Variants in NEB observed in about 807,000 individuals in gnomAD.
NEB encodes the protein nebulin.
NEB carries 512 observed loss-of-function variants against 952.2 expected under a neutral mutation model. The ratio of observed to expected loss-of-function variants is 0.54; its 90% CI spans 0.50 to 0.58. The LOEUF is 0.58. NEB is among the 20% of genes least tolerant of loss of function. The pLI is 0.00. For synonymous variants in NEB, 2,900 were observed against 3,149.8 expected (o/e 0.92, Z 2.66); for missense variants, 8,428 against 9,231.1 (o/e 0.91, Z 3.56).
In NEB at chr2:151,680,884, C is replaced by A. The variant is rs1253156732; in HGVS notation, c.2944-56G>T. 6 of 1,303,868 alleles carry A rather than the reference C, an allele frequency of 4.6e-6. No individual in the cohort carries two copies. In the Admixed American group the frequency reaches 5.2e-5, roughly 11 times the overall value. 80.8% of individuals were successfully genotyped at this position (1,303,868 alleles called of 1,614,324 possible). A position where few individuals can be genotyped will look rare whatever the true frequency, so the allele number is the denominator to read the frequency against. On this transcript the variant is annotated intron_variant, in intron 29 of 181. Transcript: ENST00000397345. ...TCTTGTTTTCCACTGAAGATTAATA[C>A]GTCAAAATCCTTGAAATTTATTTTG... is the stretch of plus-strand genomic sequence containing the variant.
In NEB at chr2:151,682,743, G is replaced by A; in HGVS notation, c.2862C>T (p.Ser954=). Reference sequence around the variant, plus strand: ...GCACCCAGCCACAACCTTTCATCCAGCTATTGTAGTCAGCTTTGTATTCAA... The same window carrying A: ...GCACCCAGCCACAACCTTTCATCCAACTATTGTAGTCAGCTTTGTATTCAA... ...SDVEYKADYN[S]WMKGCGWVPF... Residue 954 remains serine (S), a synonymous_variant, in exon 29 of 182, where the codon AGC becomes AGT. Transcript: ENST00000397345. The A allele has an allele frequency of 6.2e-7, 1 of 1,613,292 alleles. No homozygotes were observed. Among genetic ancestry groups the A allele is most frequent in the Non-Finnish European group, 8.5e-7 (1 of 1,179,510 alleles).
rs2099598879 is a variant in NEB at position 151,696,647 on chromosome 2, T to C, written c.1559A>G (p.Gln520Arg). The change falls in exon 17 of 182, where the codon CAA becomes CGA. Residue 520 changes from glutamine (Q) to arginine (R), a missense_variant. Coordinates refer to ENST00000397345, the MANE Select transcript of NEB (RefSeq NM_001164508.2). Reference sequence around the variant, plus strand: ...GTTAGAGGAACTTACGTCACTCAGTTGTTTGGAATTGACTTGGGCTTGTAG... The same window carrying C: ...GTTAGAGGAACTTACGTCACTCAGTCGTTTGGAATTGACTTGGGCTTGTAG... ...VLLQAQVNSKQLSDLNYKAKH... is the reference protein window; with the variant it reads ...VLLQAQVNSKRLSDLNYKAKH... The C allele has an allele frequency of 6.2e-7, 1 of 1,612,816 alleles. No individual in the cohort carries two copies. Among genetic ancestry groups the C allele is most frequent in the African/African-American group, 1.3e-5 (1 of 74,914 alleles).
At position 151,636,269 on chromosome 2, in the gene NEB, G is replaced by C; in HGVS notation, c.9060C>G (p.Ile3020Met). ...TGGAGGCCTTGGCCGCCACGATGGG[G>C]ATGGCGTCGCTTCGCAAGTCATAGC... The part of the protein sequence containing the change: ...KKGYDLRSDA[I>M]PIVAAKASRD... The change falls in exon 64 of 182, where the codon ATC (isoleucine) becomes ATG (methionine). Residue 3020 changes from isoleucine (I) to methionine (M), a missense_variant. Around this residue, in one of 11 missense-constraint regions of NEB, gnomAD observed 1,772 missense variants for 1,960.3 expected, o/e 0.90. Coordinates refer to ENST00000397345, the MANE Select transcript of NEB (RefSeq NM_001164508.2). The C allele has an allele frequency of 6.2e-7, 1 of 1,610,394 alleles. No individual in the cohort carries two copies. Among genetic ancestry groups the C allele is most frequent in the Non-Finnish European group, 8.5e-7 (1 of 1,179,770 alleles).
At chr2:151,540,510 C>T in intron 137 of NEB, 62 bp from the exon 138 acceptor site, 1 of 1,317,292 alleles carries the variant, frequency 7.6e-7, no homozygotes, top group Non-Finnish European at 1.1e-6. Context: ...CCAACCAAGC[C>T]ACCTACAGGT....
chr2:151,726,953 G>A (rs2099793091), intron 5 of NEB, among the ~76,000 whole-genome samples: 1 of 151,896 alleles, frequency 6.6e-6, no homozygotes, highest in African/African-American at 2.4e-5. Context: ...GGGAGACTGA[G>A]GTAGGAGGAT....
chr2:151,705,155 C>A (rs1473145035), intron 13 of NEB, among the ~76,000 whole-genome samples: 1 of 152,018 alleles, frequency 6.6e-6, no homozygotes, highest in Non-Finnish European at 1.5e-5. Context: ...ATTATACAAA[C>A]AATTAGCCTT....
intron 84 of NEB, among the ~76,000 whole-genome samples, chr2:151,605,708 T>C (rs1407367175): frequency 1.0e-5 from 1 of 99,834 alleles, no homozygotes; most frequent in Admixed American, 1.4e-4. Flanking sequence ...GGCTACATGA[T>C]GAAAATCAGA....
At chr2:151,512,923 T>C (rs1469504717) in intron 160 of NEB, 86 bp from the exon 161 acceptor site, 1 of 882,242 alleles carries the variant, frequency 1.1e-6, no homozygotes, top group Non-Finnish European at 1.8e-6. Flanking sequence ...GTGAGCCATA[T>C]TTCTTTTCCA....
rs1475648900 is a variant in NEB, at chr2:151,563,623, G to A, written c.18676C>T (p.Gln6226Ter). 2.5e-6 allele frequency: 4 copies of A among 1,613,584 alleles called. No homozygotes were observed. Among genetic ancestry groups the A allele is most frequent in the South Asian group, 2.2e-5 (2 of 91,072 alleles). Reference sequence around the variant, plus strand: ...TTACTTACCGCACTCCTCATCTTTTGGAAATCCAGACAGTGAACCACACCA... The same window carrying A: ...TTACTTACCGCACTCCTCATCTTTTAGAAATCCAGACAGTGAACCACACCA... The part of the protein sequence containing the change: ...FPGVVHCLDF[Q>*]KMRSALNYRK... Residue 6226 changes from glutamine (Q) to a stop codon, truncating the protein, a stop_gained, in exon 119 of 182, where the codon CAA (glutamine) becomes TAA (stop). Coordinates refer to ENST00000397345, the MANE Select transcript of NEB (RefSeq NM_001164508.2). LOFTEE classifies it high-confidence loss of function.
chr2:151,607,259 G>A (rs1322465687), intron 83 of NEB, among the ~76,000 whole-genome samples: 1 of 103,200 alleles, frequency 9.7e-6, no homozygotes, highest in African/African-American at 2.6e-5. Flanking sequence ...AAGAGTGAAG[G>A]AGGACACCAA....
At position 151,656,273 on chromosome 2, in the gene NEB, T is replaced by C; in HGVS notation, c.6375A>G (p.Ala2125=). 6.2e-7 allele frequency: 1 copy of C among 1,613,702 alleles called. No homozygotes were observed. Among genetic ancestry groups the C allele is most frequent in the Non-Finnish European group, 8.5e-7 (1 of 1,179,738 alleles). The change falls in exon 49 of 182, where the codon GCA becomes GCG. Residue 2125 remains alanine, a synonymous_variant. Coordinates refer to ENST00000397345, the MANE Select transcript of NEB (RefSeq NM_001164508.2). ...TGGTGATGTTGGCTTGGGCATCCTT[T>C]GCAGCCGTGACACTGAGCATGTCGG... ...TPADMLSVTA[A]KDAQANITNT...
In NEB at chr2:151,567,224, G is replaced by A; in HGVS notation, c.18100C>T (p.His6034Tyr). 6.2e-7 allele frequency: 1 copy of A among 1,613,740 alleles called. No homozygotes were observed. Among genetic ancestry groups the A allele is most frequent in the Non-Finnish European group, 8.5e-7 (1 of 1,179,742 alleles). The stretch of plus-strand genomic sequence containing the variant: ...TGAATAACATCGTTCTGGTCAGGAT[G>A]ACACATCCATTGGTGCAAGTAATTA... ...YRNYLHQWMC[H>Y]PDQNDVIQAR... The change falls in exon 114 of 182, where the codon CAT becomes TAT. Residue 6034 changes from histidine (H) to tyrosine (Y), a missense_variant. This residue lies in a region of NEB where 3,374 missense variants were observed against 3,651.5 expected (regional missense o/e 0.92). Coordinates refer to ENST00000397345, the MANE Select transcript of NEB (RefSeq NM_001164508.2).
intron 105 of NEB, among the ~76,000 whole-genome samples, chr2:151,577,735 C>G (rs183567111): frequency 3.3e-5 from 5 of 152,272 alleles, no homozygotes; most frequent in African/African-American, 1.2e-4. Flanking sequence ...CATGCCACCA[C>G]GCCAGGCTAA....
In NEB at chr2:151,570,351, G is replaced by A. The variant is rs768508081; in HGVS notation, c.17160C>T (p.Tyr5720=). ...KLDHEKQKGH[Y]VGTLTARDDN... is the part of the protein sequence containing the mutation. ...CATCCCTGGCTGTGAGGGTGCCCAC[G>A]TAGTGTCCCTTCTGCTTCTCATGGT... Residue 5720 remains tyrosine, a synonymous_variant, in exon 109 of 182, where the codon TAC becomes TAT. Transcript: ENST00000397345. 3.1e-5 allele frequency: 49 copies of A among 1,595,886 alleles called. No homozygotes were observed. The highest frequency in any genetic ancestry group is 4.1e-5 in the Non-Finnish European group (48 of 1,169,898).
chr2:151,733,503 G>C (rs1357160573), intron 2 of NEB, among the ~76,000 whole-genome samples: 1 of 152,108 alleles, frequency 6.6e-6, no homozygotes, highest in African/African-American at 2.4e-5. Flanking sequence ...CAAACACTTA[G>C]AGAAAAGACA....
chr2:151,677,626 G>C lies in NEB; in HGVS notation c.3713C>G (p.Thr1238Ser), dbSNP rs1311528896. Residue 1238 changes from threonine to serine, a missense_variant, in exon 34 of 182, where the codon ACC becomes AGC. Thr to Ser is a moderately conservative substitution (Grantham distance 58). This residue lies in a region of NEB where 2,851 missense variants were observed against 2,791.5 expected (regional missense o/e 1.02). Transcript: ENST00000397345. ...CATAACTGGGGAGTCCACAATGCTG[G>C]TAAATTTGAGGGTGTCTGGATGTTG... Reference protein sequence around the residue: ...YRQHPDTLKFTSIVDSPVMVQ... With the variant: ...YRQHPDTLKFSSIVDSPVMVQ... The C allele has an allele frequency of 9.3e-6, 15 of 1,613,802 alleles. No homozygotes were observed. The highest frequency in any genetic ancestry group is 1.3e-5 in the Non-Finnish European group (15 of 1,179,878).
intron 60 of NEB, among the ~76,000 whole-genome samples, chr2:151,642,117 A>T (rs1382493074): frequency 6.6e-6 from 1 of 152,202 alleles, no homozygotes; most frequent in African/African-American, 2.4e-5. Flanking sequence ...AAGAAAGCAA[A>T]TATTTGTAAC....
chr2:151,669,115 T>A lies in NEB; in HGVS notation c.4523A>T (p.Glu1508Val), dbSNP rs1219668652. 2.5e-6 allele frequency: 4 copies of A among 1,580,852 alleles called. No homozygotes were observed. The highest frequency in any genetic ancestry group is 3.4e-6 in the Non-Finnish European group (4 of 1,161,226). Residue 1508 changes from glutamate (E) to valine (V), a missense_variant, in exon 39 of 182, where the codon GAG (glutamate) becomes GTG (valine). By Grantham distance (121) the Glu-to-Val change is moderately radical (BLOSUM62 -2). This residue lies in a region of NEB where 2,851 missense variants were observed against 2,791.5 expected (regional missense o/e 1.02). Coordinates refer to ENST00000397345, the MANE Select transcript of NEB (RefSeq NM_001164508.2). ...ATACTTGTGCTTCAGTTTCTCTCCCTCTACCTTGTAGTTCAACTAAAAACA... is the reference window on the plus strand; with the variant it reads ...ATACTTGTGCTTCAGTTTCTCTCCCACTACCTTGTAGTTCAACTAAAAACA... Reference protein sequence around the residue: ...KQLSDLNYKVEGEKLKHKYTI... With the variant: ...KQLSDLNYKVVGEKLKHKYTI...
rs1180250750 is a variant in NEB, at chr2:151,491,934, G to A, written c.25058-159C>T. On this transcript the variant is annotated intron_variant, in intron 178 of 181. Coordinates refer to ENST00000397345, the MANE Select transcript of NEB (RefSeq NM_001164508.2). ...TTCCTCAGAGGAGAACAAAGATAAGGTAGAAATCAGCTTTGTAAACTATGA... is the reference window on the plus strand; with the variant it reads ...TTCCTCAGAGGAGAACAAAGATAAGATAGAAATCAGCTTTGTAAACTATGA... The A allele has an allele frequency of 9.3e-6, 9 of 970,612 alleles. No individual in the cohort carries two copies. In the East Asian group the frequency reaches 2.0e-4, roughly 22 times the overall value. 60.1% of individuals were successfully genotyped at this position (970,612 alleles called of 1,614,324 possible).
Sources: allele counts gnomAD v4.1 joint callset (sites outside exome capture counted in the v4.1 genomes callset), GRCh38; gene constraint gnomAD v4.1.1; regional missense constraint gnomAD v4.1.1; transcripts MANE v1.5; gene names NCBI Gene and HGNC (gene_info 2026-07-23, HGNC 2026-07-21).